SGSM2: variants seen among roughly 807,000 people sequenced by gnomAD.
SGSM2 encodes the protein RUN and TBC1 domain containing 1.
In SGSM2, 89 loss-of-function variants were observed where a neutral mutation model predicts 126.6. The observed-to-expected ratio is 0.70, with a 90% confidence interval of 0.59 to 0.84. The LOEUF (loss-of-function observed/expected upper bound fraction) is 0.84. SGSM2 is among the 40% of genes least tolerant of loss of function. The pLI is 0.00. For missense variants in SGSM2, 1,404 were observed against 1,416.6 expected (o/e 0.99, Z 0.14); for synonymous variants, 614 against 574.3 (o/e 1.07, Z -0.99).
intron 16 of SGSM2, 84 bp downstream of exon 16, chr17:2,373,165 C>G: frequency 6.4e-7 from 1 of 1,571,944 alleles, no homozygotes; most frequent in Non-Finnish European, 8.6e-7. Flanking sequence ...GAAGCCTCAG[C>G]CCCTTCCCAG....
chr17:2,349,211 A>G (rs1205893319), intron 2 of SGSM2, among the ~76,000 whole-genome samples: 1 of 152,034 alleles, frequency 6.6e-6, no homozygotes, highest in Non-Finnish European at 1.5e-5. Flanking sequence ...CCCCATCTGT[A>G]CTAAAAATAC....
chr17:2,354,759 G>A (rs1365613229), intron 2 of SGSM2, among the ~76,000 whole-genome samples: 3 of 152,222 alleles, frequency 2.0e-5, no homozygotes, highest in African/African-American at 4.8e-5. Context: ...AGCTCCCCAC[G>A]TCCCTTCCAT....
rs187836358 is a variant in SGSM2 at position 2,380,595 on chromosome 17, G to A, written c.*1075G>A. ...AAACCCCCTTGGAGGAGCTGTGTAT[G>A]CGGGGGTGCCAGGAAGGGCATAGCT... is the stretch of plus-strand genomic sequence containing the variant. On this transcript the variant is annotated 3_prime_UTR_variant, in exon 24 of 24. Transcript: ENST00000268989. 23 of 483,826 alleles carry A rather than the reference G, an allele frequency of 4.8e-5. No individual in the cohort carries two copies. The highest frequency in any genetic ancestry group is 3.5e-4 in the African/African-American group (18 of 50,956). The allele number at this position is 483,826 out of a possible 1,614,324, so 30.0% of individuals were successfully genotyped here.
intron 2 of SGSM2, among the ~76,000 whole-genome samples, chr17:2,358,026 AC>A (rs1473439263): frequency 2.6e-5 from 4 of 152,184 alleles, no homozygotes; most frequent in Non-Finnish European, 4.4e-5. Flanking sequence ...CAGGGCCCAG[AC>A]AGCTCAGTCA....
At position 2,364,885 on chromosome 17, in the gene SGSM2, G is replaced by A. The variant is rs114776055; in HGVS notation, c.1001-12G>A. On this transcript the variant is annotated splice_polypyrimidine_tract_variant and intron_variant, in intron 9 of 23. Transcript: ENST00000268989. ...AGAGGGCCTCAGCCGCACTCTCCAC[G>A]TTCACCCCCAGAGAGCGGTGGCACG... The A allele has an allele frequency of 6.2e-7, 1 of 1,606,656 alleles. No individual in the cohort carries two copies. Among genetic ancestry groups the A allele is most frequent in the African/African-American group, 1.3e-5 (1 of 74,916 alleles).
chr17:2,349,744 C>G (rs1383484275), intron 2 of SGSM2, among the ~76,000 whole-genome samples: 1 of 151,720 alleles, frequency 6.6e-6, no homozygotes, highest in Non-Finnish European at 1.5e-5. Context: ...GTTATACTGT[C>G]CCCTTTTCCT....
At position 2,364,612 on chromosome 17, in the gene SGSM2, G is replaced by A. The variant is rs1303095305; in HGVS notation, c.949G>A (p.Ala317Thr). 2.5e-6 allele frequency: 4 copies of A among 1,614,200 alleles called. No individual in the cohort carries two copies. The highest frequency in any genetic ancestry group is 2.5e-6 in the Non-Finnish European group (3 of 1,180,030). ...ELEKSVYWDY[A>T]LVVPFSQVVC... ...CCTTTCTAGCGTTTACTGGGACTAT[G>A]CCCTCGTGGTGCCCTTCAGCCAGGT... Residue 317 changes from alanine (A) to threonine (T), a missense_variant, in exon 9 of 24, where the codon GCC (alanine) becomes ACC (threonine). By Grantham distance (58) the Ala-to-Thr change is moderately conservative. Transcript: ENST00000268989.
In SGSM2 at chr17:2,380,013, T is replaced by G; in HGVS notation, c.*493T>G. 1 of 1,389,966 alleles carries G rather than the reference T, an allele frequency of 7.2e-7. No individual in the cohort carries two copies. The highest frequency in any genetic ancestry group is 9.3e-7 in the Non-Finnish European group (1 of 1,074,898). The allele number at this position is 1,389,966 out of a possible 1,614,324, so 86.1% of individuals were successfully genotyped here. Reference sequence around the variant, plus strand: ...CCCAGCTGGAGCAACCAAAACTGCTTCTGGTTTAGGCACACGTCACGGGTG... The same window carrying G: ...CCCAGCTGGAGCAACCAAAACTGCTGCTGGTTTAGGCACACGTCACGGGTG... On this transcript the variant is annotated 3_prime_UTR_variant, in exon 24 of 24. Coordinates refer to ENST00000268989, the MANE Select transcript of SGSM2 (RefSeq NM_014853.3).
At chr17:2,365,532 T>C (rs959946571) in intron 11 of SGSM2, among the ~76,000 whole-genome samples, 191 bp downstream of exon 11, 5 of 152,170 alleles carry the variant, frequency 3.3e-5, no homozygotes, top group African/African-American at 9.7e-5. Flanking sequence ...GCGTCTCTTC[T>C]ACCCAGCTCC....
Position 2,376,968 on chromosome 17 carries a change from C to G in SGSM2, c.2702C>G (p.Ala901Gly). ...LLVTLDNDQL[A>G]YSCFSHLMKR... Reference sequence around the variant, plus strand: ...TCCTGTCTCCCCTCAGATCAGCTGGCCTACAGCTGCTTCAGCCACCTCATG... The same window carrying G: ...TCCTGTCTCCCCTCAGATCAGCTGGGCTACAGCTGCTTCAGCCACCTCATG... The change falls in exon 21 of 24, where the codon GCC becomes GGC. Residue 901 changes from alanine to glycine, a missense_variant. Ala to Gly is a moderately conservative substitution (Grantham distance 60). Coordinates refer to ENST00000268989, the MANE Select transcript of SGSM2 (RefSeq NM_014853.3). 1 of 1,613,006 alleles carries G rather than the reference C, an allele frequency of 6.2e-7. No individual in the cohort carries two copies. The highest frequency in any genetic ancestry group is 1.7e-4 in the Middle Eastern group (1 of 6,054).
chr17:2,372,643 C>G lies in SGSM2; in HGVS notation c.1788+155C>G. On this transcript the variant is annotated intron_variant, in intron 15 of 23. Coordinates refer to ENST00000268989, the MANE Select transcript of SGSM2 (RefSeq NM_014853.3). This position sits in a 1 kb window ranked among gnomAD's most constrained non-coding sequence, Gnocchi z 6.0. ...CCGGCAGAATCTCTTGCAGCTGGGC[C>G]TGGGGCTGACACGGGAAGGGGGCTG... 9.0e-7 allele frequency: 1 copy of G among 1,108,642 alleles called. No homozygotes were observed. Among genetic ancestry groups the G allele is most frequent in the Non-Finnish European group, 1.3e-6 (1 of 770,408 alleles). The allele number at this position is 1,108,642 out of a possible 1,614,324, so 68.7% of individuals were successfully genotyped here.
chr17:2,337,774 C>T lies in SGSM2; in HGVS notation c.57+29C>T. 1 of 1,498,446 alleles carries T rather than the reference C, an allele frequency of 6.7e-7. No individual in the cohort carries two copies. The highest frequency in any genetic ancestry group is 9.0e-7 in the Non-Finnish European group (1 of 1,116,688). The allele number at this position is 1,498,446 out of a possible 1,614,324, so 92.8% of individuals were successfully genotyped here. Reference sequence around the variant, plus strand: ...AAGTCGAGTCAAGAACCCCGGGGGGCTCGCGCCCTGGCCCGCGCGGCCCAG... The same window carrying T: ...AAGTCGAGTCAAGAACCCCGGGGGGTTCGCGCCCTGGCCCGCGCGGCCCAG... On this transcript the variant is annotated intron_variant, in intron 1 of 23. Coordinates refer to ENST00000268989, the MANE Select transcript of SGSM2 (RefSeq NM_014853.3). The surrounding 1 kb of genome is among the most constrained non-coding windows in gnomAD (Gnocchi z 5.1).
At position 2,376,594 on chromosome 17, in the gene SGSM2, G is replaced by A. The variant is rs2066168684; in HGVS notation, c.2610-139G>A. 3 of 927,098 alleles carry A rather than the reference G, an allele frequency of 3.2e-6. No individual in the cohort carries two copies. The South Asian group carries it at 4.4e-5, about 14-fold the overall frequency. 57.4% of individuals were successfully genotyped at this position (927,098 alleles called of 1,614,324 possible). ...GGTTGTTCCCCGTTGTCTCCCTGTGGGGGGTGCACAGTACATGCCTTAGGG... is the reference window on the plus strand; with the variant it reads ...GGTTGTTCCCCGTTGTCTCCCTGTGAGGGGTGCACAGTACATGCCTTAGGG... On this transcript the variant is annotated intron_variant, in intron 19 of 23. Transcript: ENST00000268989.
At chr17:2,377,808 C>A in intron 21 of SGSM2, 49 bp from the exon 22 acceptor site, 1 of 1,252,682 alleles carries the variant, frequency 8.0e-7, no homozygotes, top group Non-Finnish European at 1.2e-6. Context: ...CGGCCAGAGG[C>A]AGCATCGGCT....
rs200595090 is a variant in SGSM2 at position 2,375,656 on chromosome 17, T to C, written c.2265T>C (p.Ser755=). 8.7e-5 allele frequency: 141 copies of C among 1,613,858 alleles called. No individual in the cohort carries two copies. The Admixed American group carries it at 8.8e-4, about 10-fold the overall frequency. ...FDSPDSGLPS[S]RNYSVASGIQ... is the part of the protein sequence containing the mutation. ...CTCCAGACTCAGGACTGCCCTCCTCTCGCAATTACTCCGTGGCCTCGGGCA... is the reference window on the plus strand; with the variant it reads ...CTCCAGACTCAGGACTGCCCTCCTCCCGCAATTACTCCGTGGCCTCGGGCA... Residue 755 remains serine (S), a synonymous_variant, in exon 18 of 24, where the codon TCT becomes TCC. Coordinates refer to ENST00000268989, the MANE Select transcript of SGSM2 (RefSeq NM_014853.3).
At chr17:2,371,809 CTG>C (rs2065885018) in intron 13 of SGSM2, 14 of 384,950 alleles carry the variant, frequency 3.6e-5, no homozygotes, top group East Asian at 3.4e-4. Flanking sequence ...CAGCAGCCAC[CTG>C]CCGTGTGCCA....
At chr17:2,373,607 T>C in intron 17 of SGSM2, 94 bp downstream of exon 17, 1 of 1,211,082 alleles carries the variant, frequency 8.3e-7, no homozygotes, top group Non-Finnish European at 1.1e-6. Context: ...CTCTGGGAAC[T>C]GGTGGGGCCC....
In SGSM2 at chr17:2,376,364, G is replaced by T. The variant is rs535498176; in HGVS notation, c.2609+103G>T. ...TGCCCTGCTCCTCTCTCCTGCTCCT[G>T]AATCACACTTGGCTCCCCCTGCCTG... On this transcript the variant is annotated intron_variant, in intron 19 of 23. Coordinates refer to ENST00000268989, the MANE Select transcript of SGSM2 (RefSeq NM_014853.3). 747 of 1,486,148 alleles carry T rather than the reference G, an allele frequency of 5.0e-4. 11 individuals carry two copies. The South Asian group carries it at 7.5e-3, about 15-fold the overall frequency. The allele number at this position is 1,486,148 out of a possible 1,614,324, so 92.1% of individuals were successfully genotyped here.
rs1242023644 is a variant in SGSM2, at chr17:2,376,779, G to A, written c.2656G>A (p.Asp886Asn). The change falls in exon 20 of 24, where the codon GAT becomes AAT. Residue 886 changes from aspartate (D) to asparagine (N), a missense_variant. Asp to Asn is a conservative substitution (Grantham distance 23). Transcript: ENST00000268989. ...CGTGGGCTATGTGCAGGGCATGTGC[G>A]ATCTGCTGGCGCCTCTCCTGGTCAC... ...LDVGYVQGMC[D>N]LLAPLLVTLD... is the part of the protein sequence containing the mutation. 1 of 1,614,124 alleles carries A rather than the reference G, an allele frequency of 6.2e-7. No homozygotes were observed. The highest frequency in any genetic ancestry group is 1.1e-5 in the South Asian group (1 of 91,090).
Sources: gnomAD v4.1 joint callset for allele counts (sites outside exome capture counted in the v4.1 genomes callset) on GRCh38, gnomAD v4.1.1 for gene constraint, Gnocchi (gnomAD v3.1) non-coding constraint, MANE v1.5 for transcripts, NCBI Gene and HGNC (gene_info 2026-07-23, HGNC 2026-07-21) for gene names.